Variants in ARHGEF28 observed in about 807,000 individuals in gnomAD.
ARHGEF28 encodes 190 kDa guanine nucleotide exchange factor.
Under a neutral mutation model 206.6 loss-of-function variants are expected in ARHGEF28, and 152 were observed. That is an observed-to-expected ratio of 0.74 (90% confidence interval 0.64 to 0.84). The LOEUF (loss-of-function observed/expected upper bound fraction) is 0.84, where lower values mean the gene tolerates loss of function less well. Among genes scored for constraint, ARHGEF28 ranks in the 40% least tolerant of loss-of-function variants. The pLI is 0.00. For missense variants in ARHGEF28, 2,028 were observed against 2,073.2 expected (o/e 0.98, Z 0.42); for synonymous variants, 763 against 776.4 (o/e 0.98, Z 0.29).
chr5:73,787,653 T>A (rs553034696), intron 7 of ARHGEF28, among the ~76,000 whole-genome samples: 13 of 152,268 alleles, frequency 8.5e-5, no homozygotes, highest in South Asian at 4.2e-4. Flanking sequence ...CCTGTGTTAG[T>A]TTGCTGAGAA....
intron 2 of ARHGEF28, among the ~76,000 whole-genome samples, chr5:73,741,072 G>A (rs144230870): frequency 6.6e-6 from 1 of 151,918 alleles, no homozygotes; most frequent in Admixed American, 6.6e-5. Context: ...ACTATGATCT[G>A]CTGCTTAAAG....
intron 28 of ARHGEF28, among the ~76,000 whole-genome samples, chr5:73,893,935 T>C (rs1391349033): frequency 6.6e-6 from 1 of 152,210 alleles, no homozygotes; most frequent in Non-Finnish European, 1.5e-5. Context: ...CAATGATGCA[T>C]GCAAAGATGG....
At chr5:73,917,835 C>T (rs924479102) in intron 35 of ARHGEF28, among the ~76,000 whole-genome samples, 1 of 152,214 alleles carries the variant, frequency 6.6e-6, no homozygotes, top group Non-Finnish European at 1.5e-5. Context: ...TACACACACA[C>T]ACATGGTCTA....
chr5:73,920,619 G>A lies in ARHGEF28; in HGVS notation c.4948+9044G>A, dbSNP rs575933142. On this transcript the variant is annotated intron_variant, in intron 35 of 35. Coordinates refer to ENST00000513042, the MANE Select transcript of ARHGEF28 (RefSeq NM_001177693.2). ...AGCTGGACTGCAGTGGCGCTATCCC[G>A]GCTCACTGCAAGCTCCGCCTCTTGG... Among the ~76,000 whole-genome samples the A allele has an allele frequency of 5.9e-4, 79 of 133,214 alleles. 1 individual carries two copies. The South Asian group carries it at 0.02, about 34-fold the overall frequency. 87.4% of individuals were successfully genotyped at this position (133,214 alleles called of 152,430 possible).
intron 2 of ARHGEF28, among the ~76,000 whole-genome samples, chr5:73,699,739 A>G (rs1748479130): frequency 1.3e-5 from 2 of 152,216 alleles, no homozygotes. Context: ...CTGTGTAGGA[A>G]GAGGAAACAG....
chr5:73,716,220 A>G (rs532373013), intron 2 of ARHGEF28, among the ~76,000 whole-genome samples: 1 of 152,152 alleles, frequency 6.6e-6, no homozygotes, highest in South Asian at 2.1e-4. Flanking sequence ...GTTAGCTGAG[A>G]ATTATTGTTT....
At chr5:73,634,060 C>T (rs76976589) in intron 1 of ARHGEF28, among the ~76,000 whole-genome samples, 214 of 152,082 alleles carry the variant, frequency 1.4e-3, no homozygotes, top group African/African-American at 5.0e-3. Flanking sequence ...TGTATTTGAC[C>T]ATTTTTTCCT....
intron 22 of ARHGEF28, among the ~76,000 whole-genome samples, chr5:73,879,501 C>T (rs1456017009): frequency 1.3e-5 from 2 of 152,196 alleles, no homozygotes; most frequent in Non-Finnish European, 2.9e-5. Context: ...GAGAGGCGCT[C>T]TGCTTTTTAG....
In ARHGEF28 at chr5:73,662,324, G is replaced by A. The variant is rs370697554; in HGVS notation, c.-11-22517G>A. 2.2e-4 allele frequency among the ~76,000 whole-genome samples: 33 copies of A among 152,286 alleles called. No homozygotes were observed. The South Asian group carries it at 5.8e-3, about 27-fold the overall frequency. ...GCCATAGGAAATATGATCTGAGAAG[G>A]GGACTTTTAGTTTTCTGAGGATTTG... On this transcript the variant is annotated intron_variant, in intron 1 of 35. Transcript: ENST00000513042.
intron 13 of ARHGEF28, among the ~76,000 whole-genome samples, chr5:73,851,981 G>GC (rs1343337852): frequency 6.6e-6 from 1 of 152,086 alleles, no homozygotes; most frequent in East Asian, 1.9e-4. Flanking sequence ...CACAGTGACT[G>GC]CCCCCTCCTT....
chr5:73,734,973 G>A (rs1167170208), intron 2 of ARHGEF28, among the ~76,000 whole-genome samples: 1 of 152,020 alleles, frequency 6.6e-6, no homozygotes, highest in East Asian at 1.9e-4. Flanking sequence ...TGTAACTTTG[G>A]TCAAATAATG....
intron 2 of ARHGEF28, among the ~76,000 whole-genome samples, chr5:73,729,109 G>T (rs765980670): frequency 6.6e-6 from 1 of 152,144 alleles, no homozygotes; most frequent in Non-Finnish European, 1.5e-5. Flanking sequence ...TAGCTGCATC[G>T]CTGTGAGGAC....
intron 35 of ARHGEF28, among the ~76,000 whole-genome samples, chr5:73,922,451 A>G (rs376228294): frequency 5.6e-4 from 85 of 152,354 alleles, no homozygotes; most frequent in African/African-American, 1.9e-3. Context: ...GCCTTCACAT[A>G]CTTGGCTTTG....
intron 13 of ARHGEF28, among the ~76,000 whole-genome samples, chr5:73,849,840 G>A (rs2931441): frequency 0.67 from 101,417 of 151,610 alleles, 35,809 homozygotes; most frequent in African/African-American, 0.91. Context: ...TGTAATAATT[G>A]TATTAAAAAG....
In ARHGEF28 at chr5:73,752,994, G is replaced by A. The variant is rs17552682; in HGVS notation, c.267G>A (p.Val89=). The A allele has an allele frequency of 0.012, 18,581 of 1,613,496 alleles. 177 individuals carry two copies. The highest frequency in any genetic ancestry group is 0.023 in the Middle Eastern group (142 of 6,062). Residue 89 remains valine, a synonymous_variant, in exon 4 of 36, where the codon GTG becomes GTA. Transcript: ENST00000513042. ...YSPVTMGSGS[V]TYVDNMACRL... ...CGGTGACCATGGGCTCTGGCTCAGT[G>A]ACCTACGTGGACAACATGGCTTGCA...
chr5:73,696,909 T>C (rs1748249774), intron 2 of ARHGEF28, among the ~76,000 whole-genome samples: 1 of 152,240 alleles, frequency 6.6e-6, no homozygotes, highest in South Asian at 2.1e-4. Flanking sequence ...TGACCATCAC[T>C]ATTTTGGGAC....
At position 73,941,057 on chromosome 5, in the gene ARHGEF28, T is replaced by G; in HGVS notation, c.*44T>G. The G allele has an allele frequency of 8.5e-6, 12 of 1,418,876 alleles. No individual in the cohort carries two copies. Among genetic ancestry groups the G allele is most frequent in the Non-Finnish European group, 1.1e-5 (12 of 1,091,766 alleles). The allele number at this position is 1,418,876 out of a possible 1,614,324, so 87.9% of individuals were successfully genotyped here. ...AAACAAAACAAAACACTGGCACTTT[T>G]GGGAGAAACTTTTTGTCTCCATTCC... On this transcript the variant is annotated 3_prime_UTR_variant, in exon 36 of 36. Coordinates refer to ENST00000513042, the MANE Select transcript of ARHGEF28 (RefSeq NM_001177693.2).
chr5:73,646,423 C>T (rs1008075648), intron 1 of ARHGEF28, among the ~76,000 whole-genome samples: 1 of 152,202 alleles, frequency 6.6e-6, no homozygotes, highest in East Asian at 1.9e-4. Flanking sequence ...TCAAGGTTCT[C>T]CAGCCACCAA....
In ARHGEF28 at chr5:73,886,210, G is replaced by T. The variant is rs1472685702; in HGVS notation, c.3310+106G>T. On this transcript the variant is annotated intron_variant, in intron 25 of 35. Coordinates refer to ENST00000513042, the MANE Select transcript of ARHGEF28 (RefSeq NM_001177693.2). ...AGTTCAGAATTGCAGGCACACATGC[G>T]CAAACCCTGGGTCAGTTGAAAGATT... The T allele has an allele frequency of 1.2e-5, 17 of 1,367,372 alleles. No homozygotes were observed. The South Asian group carries it at 1.4e-4, about 12-fold the overall frequency. The allele number at this position is 1,367,372 out of a possible 1,614,324, so 84.7% of individuals were successfully genotyped here. A position where few individuals can be genotyped will look rare whatever the true frequency, so the allele number is the denominator to read the frequency against.
Sources: gnomAD v4.1 joint callset for allele counts (sites outside exome capture counted in the v4.1 genomes callset) on GRCh38, gnomAD v4.1.1 for gene constraint, MANE v1.5 for transcripts, NCBI Gene and HGNC (gene_info 2026-07-23, HGNC 2026-07-21) for gene names.